The following RALGPS1 variants were observed in gnomAD, a reference collection of about 807,000 sequenced individuals.
RALGPS1 encodes the protein ras-specific guanine nucleotide-releasing factor RalGPS1.
A neutral mutation model predicts 78.8 loss-of-function variants in RALGPS1; 19 were observed. That is an observed-to-expected ratio of 0.24 (90% CI 0.17 to 0.35). The LOEUF is 0.35. Among genes scored for constraint, RALGPS1 ranks in the 10% least tolerant of loss-of-function variants. The probability of loss-of-function intolerance (pLI) is 1.00; values close to 1 mark genes in which losing one functional copy is unlikely to be tolerated. For synonymous variants in RALGPS1, 228 were observed against 256.3 expected, an observed-to-expected ratio of 0.89 and a Z score of 1.06; for missense variants, 454 against 688.3, an observed-to-expected ratio of 0.66 and a Z score of 3.81.
chr9:127,057,448 G>C (rs2048838979), intron 7 of RALGPS1, among the ~76,000 whole-genome samples: 1 of 152,198 alleles, frequency 6.6e-6, no homozygotes, highest in Admixed American at 6.5e-5. Context: ...GCGTCCTGTT[G>C]GCCTCTCCAT....
intron 8 of RALGPS1, among the ~76,000 whole-genome samples, chr9:127,076,430 G>C (rs1033673466): frequency 2.0e-5 from 3 of 152,196 alleles, no homozygotes; most frequent in African/African-American, 7.2e-5. Context: ...AAAACATTTG[G>C]AGACATTCTT....
chr9:126,977,629 A>G lies in RALGPS1; in HGVS notation c.166-66A>G, dbSNP rs547672171. ...CTTTTATGAGTGTATATGACTCTGT[A>G]TAAAGTAACATGACAGTTATCTTTG... is the stretch of plus-strand genomic sequence containing the variant. On this transcript the variant is annotated intron_variant, in intron 3 of 18. Coordinates refer to ENST00000259351, the MANE Select transcript of RALGPS1 (RefSeq NM_014636.3). 6.8e-6 allele frequency: 8 copies of G among 1,174,818 alleles called. No individual in the cohort carries two copies. In the African/African-American group the frequency reaches 9.2e-5, roughly 13 times the overall value. 72.8% of individuals were successfully genotyped at this position (1,174,818 alleles called of 1,614,324 possible).
intron 3 of RALGPS1, among the ~76,000 whole-genome samples, chr9:126,966,973 C>G (rs1588698914): frequency 6.6e-6 from 1 of 152,064 alleles, no homozygotes; most frequent in African/African-American, 2.4e-5. Context: ...GTTGTCCAAG[C>G]GTTGAACTTC....
intron 1 of RALGPS1, among the ~76,000 whole-genome samples, chr9:126,938,570 G>C (rs747991788): frequency 6.6e-6 from 1 of 152,232 alleles, no homozygotes; most frequent in Non-Finnish European, 1.5e-5. Context: ...GTGGGTGGAA[G>C]GGGGAGGGCG....
chr9:127,027,963 C>T (rs2046099302), intron 4 of RALGPS1, among the ~76,000 whole-genome samples: 1 of 152,216 alleles, frequency 6.6e-6, no homozygotes, highest in Admixed American at 6.5e-5. Context: ...AGTCCCCTAG[C>T]CCAGAGTCTA....
chr9:126,977,107 T>C (rs183588167), intron 3 of RALGPS1, among the ~76,000 whole-genome samples: 48 of 152,354 alleles, frequency 3.2e-4, no homozygotes, highest in Admixed American at 2.9e-3. Flanking sequence ...AAATGCTTGC[T>C]CTCAGCTTCT....
intron 3 of RALGPS1, among the ~76,000 whole-genome samples, chr9:126,966,770 T>A (rs1453881989): frequency 6.6e-6 from 1 of 152,086 alleles, no homozygotes; most frequent in African/African-American, 2.4e-5. Context: ...ATTTGGGCAA[T>A]TTAAAAAAAT....
At chr9:127,092,118 A>G (rs560890952) in intron 8 of RALGPS1, among the ~76,000 whole-genome samples, 1 of 152,212 alleles carries the variant, frequency 6.6e-6, no homozygotes, top group Non-Finnish European at 1.5e-5. Context: ...ACATTATTCA[A>G]AAATATGTAG....
intron 1 of RALGPS1, among the ~76,000 whole-genome samples, chr9:126,933,764 C>G (rs1450774675): frequency 6.6e-6 from 1 of 152,094 alleles, no homozygotes; most frequent in Admixed American, 6.5e-5. Context: ...CCATGGGAGA[C>G]AAGTGGCCAC....
intron 8 of RALGPS1, among the ~76,000 whole-genome samples, chr9:127,100,249 C>T (rs1203172707): frequency 6.6e-6 from 1 of 152,082 alleles, no homozygotes; most frequent in Non-Finnish European, 1.5e-5. Flanking sequence ...AAAATTGTTC[C>T]AGTAAAAATT....
chr9:127,062,931 A>G (rs1045354577), intron 7 of RALGPS1, among the ~76,000 whole-genome samples: 2 of 152,302 alleles, frequency 1.3e-5, no homozygotes, highest in African/African-American at 4.8e-5. Flanking sequence ...TTCCTTACTG[A>G]TTCCATACCT....
intron 4 of RALGPS1, among the ~76,000 whole-genome samples, chr9:127,019,520 G>C (rs904219425): frequency 3.3e-5 from 5 of 151,924 alleles, no homozygotes; most frequent in African/African-American, 9.7e-5. Flanking sequence ...GTAGAGACAG[G>C]GTTTCACCAT....
chr9:126,979,317 G>A (rs936943408), intron 4 of RALGPS1, among the ~76,000 whole-genome samples: 1 of 151,620 alleles, frequency 6.6e-6, no homozygotes, highest in African/African-American at 2.4e-5. Context: ...ACAGAGCTTT[G>A]TTTGCTTTTT....
chr9:127,176,644 G>A (rs1057165590), intron 11 of RALGPS1, among the ~76,000 whole-genome samples: 7 of 152,344 alleles, frequency 4.6e-5, no homozygotes, highest in African/African-American at 1.7e-4. Context: ...TTCACAGGAT[G>A]AGCCACATCC....
At chr9:127,169,237 T>G (rs900226715) in intron 10 of RALGPS1, among the ~76,000 whole-genome samples, 1 of 152,162 alleles carries the variant, frequency 6.6e-6, no homozygotes, top group African/African-American at 2.4e-5. Flanking sequence ...AGAGCCTGTT[T>G]CATGGATGAG....
intron 3 of RALGPS1, among the ~76,000 whole-genome samples, chr9:126,972,976 C>G (rs557321719): frequency 2.0e-5 from 3 of 151,172 alleles, no homozygotes; most frequent in Non-Finnish European, 4.4e-5. Context: ...GCAGGAGAAT[C>G]GCTTGAACCC....
At chr9:127,084,559 A>G (rs1212122460) in intron 8 of RALGPS1, among the ~76,000 whole-genome samples, 3 of 152,224 alleles carry the variant, frequency 2.0e-5, no homozygotes, top group Non-Finnish European at 4.4e-5. Context: ...TGAGTCAGAC[A>G]GGAGTGCTTA....
At chr9:127,002,449 T>C (rs13292471) in intron 4 of RALGPS1, among the ~76,000 whole-genome samples, 73 of 77,240 alleles carry the variant, frequency 9.5e-4, no homozygotes, top group Admixed American at 1.4e-3. Flanking sequence ...TTTTTTTTTC[T>C]TTTTTTTTTA....
chr9:127,041,031 TTGTGTG>T (rs58541875), intron 5 of RALGPS1, among the ~76,000 whole-genome samples: 21 of 135,826 alleles, frequency 1.5e-4, no homozygotes, highest in South Asian at 5.2e-4. Context: ...CTACAAACAT[TTGTGTG>T]TGTGTGTGTG....
Sources: gnomAD v4.1 joint callset for allele counts (sites outside exome capture counted in the v4.1 genomes callset) on GRCh38, gnomAD v4.1.1 for gene constraint, MANE v1.5 for transcripts, NCBI Gene and HGNC (gene_info 2026-07-23, HGNC 2026-07-21) for gene names.